The following CCDC138 variants were observed in gnomAD, a reference collection of about 807,000 sequenced individuals.
The protein encoded by CCDC138 is coiled-coil domain containing 138, also known as coiled-coil domain-containing protein 138.
CCDC138 carries 66 observed loss-of-function variants against 82.3 expected under a neutral mutation model. The observed-to-expected ratio is 0.80, with a 90% CI of 0.66 to 0.98. The LOEUF (loss-of-function observed/expected upper bound fraction) is 0.98. CCDC138 is among the 50% of genes least tolerant of loss of function. The pLI is 0.00. For synonymous variants in CCDC138, 297 were observed against 265.4 expected (o/e 1.12, Z -1.16); for missense variants, 816 against 758.9 (o/e 1.08, Z -0.88).
chr2:108,881,901 T>C (rs758425026), intron 1 of CCDC138, among the ~76,000 whole-genome samples: 5 of 152,136 alleles, frequency 3.3e-5, no homozygotes, highest in African/African-American at 4.8e-5. Context: ...CCCAGCACTT[T>C]GGGAAGCTGA....
chr2:108,821,483 A>C (rs1487362140), intron 10 of CCDC138, among the ~76,000 whole-genome samples: 1 of 152,232 alleles, frequency 6.6e-6, no homozygotes, highest in African/African-American at 2.4e-5. Flanking sequence ...TGTTTTATGT[A>C]ATTGATTGCA....
intron 7 of CCDC138, among the ~76,000 whole-genome samples, chr2:108,809,941 GA>G (rs1683518790): frequency 6.6e-6 from 1 of 152,102 alleles, no homozygotes; most frequent in Admixed American, 6.6e-5. Context: ...GAGTAGCTGG[GA>G]TTACAGGCAT....
At chr2:108,830,607 G>C (rs565275110) in intron 10 of CCDC138, among the ~76,000 whole-genome samples, 3 of 151,792 alleles carry the variant, frequency 2.0e-5, no homozygotes, top group African/African-American at 7.3e-5. Context: ...AGGAGTTCAA[G>C]TCCAACCTGG....
At chr2:108,851,696 A>T (rs565072253) in intron 12 of CCDC138, among the ~76,000 whole-genome samples, 1 of 152,192 alleles carries the variant, frequency 6.6e-6, no homozygotes, top group Non-Finnish European at 1.5e-5. Flanking sequence ...GTTAAGACCC[A>T]CAATCAGAAA....
chr2:108,857,045 T>G (rs1383669458), intron 13 of CCDC138, 75 bp downstream of exon 13: 3 of 333,324 alleles, frequency 9.0e-6, no homozygotes, highest in East Asian at 9.4e-5. Flanking sequence ...CATGTATAAC[T>G]CCACATATCA....
intron 14 of CCDC138, among the ~76,000 whole-genome samples, chr2:108,874,782 T>G (rs1695777659): frequency 6.6e-6 from 1 of 152,218 alleles, no homozygotes; most frequent in South Asian, 2.1e-4. Flanking sequence ...ATTTACTGTC[T>G]TCCTTTTCTT....
At chr2:108,794,025 G>A (rs1442631452) in intron 4 of CCDC138, among the ~76,000 whole-genome samples, 1 of 152,074 alleles carries the variant, frequency 6.6e-6, no homozygotes, top group Non-Finnish European at 1.5e-5. Context: ...TGCAAAATAG[G>A]ATATACAGTG....
In CCDC138 at chr2:108,788,859, G is replaced by A. The variant is rs753355905; in HGVS notation, c.159G>A (p.Leu53=). The A allele has an allele frequency of 2.1e-5, 34 of 1,614,012 alleles. No individual in the cohort carries two copies. Among genetic ancestry groups the A allele is most frequent in the Non-Finnish European group, 2.8e-5 (33 of 1,179,916 alleles). The part of the protein sequence containing the change: ...KRRTLTSPGD[L]DIYSGDKVGS... Reference sequence around the variant, plus strand: ...TTTCTTTGTCGTTGACAGGTGATTTGGATATCTACTCTGGAGATAAAGTTG... The same window carrying A: ...TTTCTTTGTCGTTGACAGGTGATTTAGATATCTACTCTGGAGATAAAGTTG... Residue 53 remains leucine (L), a synonymous_variant, in exon 3 of 15, where the codon TTG becomes TTA. Coordinates refer to ENST00000295124, the MANE Select transcript of CCDC138 (RefSeq NM_144978.3).
chr2:108,858,440 C>T (rs999547826), intron 13 of CCDC138, among the ~76,000 whole-genome samples: 10 of 152,022 alleles, frequency 6.6e-5, no homozygotes, highest in Admixed American at 3.3e-4. Context: ...CTACTAAAGC[C>T]GTATTGTGTT....
At chr2:108,877,205 C>T (rs566763740), downstream of CCDC138, among the ~76,000 whole-genome samples, 4 of 152,192 alleles carry the variant, frequency 2.6e-5, no homozygotes, top group South Asian at 8.3e-4. Context: ...CGGTGGCTTA[C>T]GCCTGTAATC....
chr2:108,808,368 A>G (rs559382777), intron 7 of CCDC138, among the ~76,000 whole-genome samples: 20 of 152,330 alleles, frequency 1.3e-4, no homozygotes, highest in African/African-American at 2.9e-4. Flanking sequence ...TCCTGTGAAT[A>G]TATACCCAGA....
chr2:108,832,087 T>C (rs1687785966), intron 10 of CCDC138, among the ~76,000 whole-genome samples: 1 of 151,726 alleles, frequency 6.6e-6, no homozygotes, highest in Non-Finnish European at 1.5e-5. Flanking sequence ...TGGAGTGCAG[T>C]GCTGCCATCT....
chr2:108,879,633 T>A (rs912960292), downstream of CCDC138, among the ~76,000 whole-genome samples: 8 of 152,202 alleles, frequency 5.3e-5, no homozygotes, highest in Non-Finnish European at 1.0e-4. Context: ...TTTTAGTATA[T>A]TATTATTATT....
chr2:108,858,571 T>C (rs1693019043), intron 13 of CCDC138, among the ~76,000 whole-genome samples: 1 of 152,194 alleles, frequency 6.6e-6, no homozygotes, highest in Non-Finnish European at 1.5e-5. Flanking sequence ...GCCAGTACGA[T>C]TTATTAGAGC....
intron 13 of CCDC138, among the ~76,000 whole-genome samples, chr2:108,861,865 T>C (rs1693674670): frequency 6.6e-6 from 1 of 152,202 alleles, no homozygotes; most frequent in African/African-American, 2.4e-5. Flanking sequence ...CTGTTTTTAC[T>C]GTATCCTACA....
At chr2:108,789,019 T>G (rs116623105) in intron 3 of CCDC138, 53 bp downstream of exon 3, 20,615 of 1,593,962 alleles carry the variant, frequency 0.013, 173 homozygotes, top group Non-Finnish European at 0.015. Flanking sequence ...CTCAAAAAAC[T>G]GAGAAAGAGA....
At chr2:108,856,675 T>G in intron 12 of CCDC138, 119 bp from the exon 13 acceptor site, 1 of 901,312 alleles carries the variant, frequency 1.1e-6, no homozygotes. Flanking sequence ...TGATCTCTTA[T>G]TTAATTTTTG....
At chr2:108,873,153 C>T (rs896379626) in intron 13 of CCDC138, among the ~76,000 whole-genome samples, 9 of 151,990 alleles carry the variant, frequency 5.9e-5, no homozygotes, top group Admixed American at 1.3e-4. Flanking sequence ...CTTATTGTTA[C>T]GAACTTACTG....
At position 108,843,867 on chromosome 2, in the gene CCDC138, TG is replaced by T. The variant is rs1401726057; in HGVS notation, c.1324-2870del. On this transcript the variant is annotated intron_variant, in intron 11 of 14. Coordinates refer to ENST00000295124, the MANE Select transcript of CCDC138 (RefSeq NM_144978.3). ...TTTTGTGTGTGTGTGTGTGTGTGTGTGTGTGTGTGTGTTTCTTTCTTTTTTT... is the reference window on the plus strand; with the variant it reads ...TTTTGTGTGTGTGTGTGTGTGTGTGTTGTGTGTGTGTTTCTTTCTTTTTTT... 7.0e-4 allele frequency among the ~76,000 whole-genome samples: 98 copies of T among 140,198 alleles called. 3 individuals carry two copies. Among genetic ancestry groups the T allele is most frequent in the African/African-American group, 2.1e-3 (77 of 36,914 alleles). The allele number at this position is 140,198 out of a possible 152,430, so 92.0% of individuals were successfully genotyped here.
Sources: gnomAD v4.1 joint callset for allele counts (sites outside exome capture counted in the v4.1 genomes callset) on GRCh38, gnomAD v4.1.1 for gene constraint, MANE v1.5 for transcripts, NCBI Gene and HGNC (gene_info 2026-07-23, HGNC 2026-07-21) for gene names.